MACF1: variants seen among roughly 807,000 people sequenced by gnomAD.
The protein encoded by MACF1 is microtubule-actin cross-linking factor 1.
In MACF1, 193 loss-of-function variants were observed where a neutral mutation model predicts 854.8. The observed-to-expected ratio is 0.23, with a 90% CI of 0.20 to 0.25. The LOEUF is 0.25. MACF1 is among the 10% of genes least tolerant of loss of function. The probability of loss-of-function intolerance (pLI) is 1.00; values close to 1 mark genes in which losing one functional copy is unlikely to be tolerated. For missense variants in MACF1, 7,722 were observed against 8,929.1 expected, an observed-to-expected ratio of 0.86 and a Z score of 5.45; for synonymous variants, 3,185 against 3,226.7, an observed-to-expected ratio of 0.99 and a Z score of 0.44.
intron 2 of MACF1, among the ~76,000 whole-genome samples, chr1:39,151,083 C>T (rs534863609): frequency 5.9e-5 from 9 of 152,274 alleles, no homozygotes; most frequent in Middle Eastern, 3.4e-3. Flanking sequence ...TGAAACCCTT[C>T]ACTCTGGCAA....
intron 2 of MACF1, among the ~76,000 whole-genome samples, chr1:39,147,959 C>A (rs1274933208): frequency 6.6e-6 from 1 of 152,086 alleles, no homozygotes; most frequent in African/African-American, 2.4e-5. Context: ...ATGTTGTTTT[C>A]TATGCCTTGA....
chr1:39,138,122 T>C (rs1032615140), intron 2 of MACF1, among the ~76,000 whole-genome samples: 1 of 150,012 alleles, frequency 6.7e-6, no homozygotes, highest in Non-Finnish European at 1.5e-5. Context: ...GAAGCTTTAA[T>C]TTCTATTTCA....
intron 2 of MACF1, among the ~76,000 whole-genome samples, chr1:39,092,472 A>G (rs367837153): frequency 6.6e-6 from 1 of 152,200 alleles, no homozygotes; most frequent in Non-Finnish European, 1.5e-5. Context: ...ATGTTAAGTA[A>G]CTTGTCTGAG....
chr1:39,453,925 C>T (rs1644385978), intron 88 of MACF1, 75 bp downstream of exon 88: 19 of 1,485,310 alleles, frequency 1.3e-5, no homozygotes, highest in Non-Finnish European at 1.6e-5. Flanking sequence ...TATTTTTCCC[C>T]CAGGTAAGGA....
intron 80 of MACF1, 26 bp from the exon 81 acceptor site, chr1:39,447,406 G>T (rs373058043): frequency 3.1e-6 from 5 of 1,610,916 alleles, no homozygotes; most frequent in Non-Finnish European, 3.4e-6. Flanking sequence ...TTCTTTCTGT[G>T]TGTGTGTGTT....
chr1:39,298,644 TA>T (rs960351700), intron 21 of MACF1: 3 of 432,100 alleles, frequency 6.9e-6, no homozygotes, highest in African/African-American at 6.2e-5. Flanking sequence ...TTTTTATTTT[TA>T]TTTTTTTACA....
chr1:39,415,651 G>A (rs529634486), intron 58 of MACF1, among the ~76,000 whole-genome samples: 7 of 151,762 alleles, frequency 4.6e-5, no homozygotes, highest in Non-Finnish European at 7.4e-5. Context: ...GTGAGCCACC[G>A]CGCCCAGCCG....
chr1:39,285,398 TCTGA>T lies in MACF1; in HGVS notation c.1353+12_1353+15del. ...AAGAATACACTGCAGGCTGTAAGTC[TCTGA>T]CTGTTTTGTCCAACATCTGTGTCAC... On this transcript the variant is annotated intron_variant, in intron 13 of 100. Coordinates refer to ENST00000564288, the MANE Select transcript of MACF1 (RefSeq NM_001394062.1). 13 of 1,613,304 alleles carry T rather than the reference TCTGA, an allele frequency of 8.1e-6. No homozygotes were observed. The highest frequency in any genetic ancestry group is 1.7e-5 in the Admixed American group (1 of 60,030).
At chr1:39,145,011 T>C (rs1643431382) in intron 2 of MACF1, among the ~76,000 whole-genome samples, 1 of 152,206 alleles carries the variant, frequency 6.6e-6, no homozygotes, top group Non-Finnish European at 1.5e-5. Context: ...ATAGGGCTCG[T>C]ACTGGCATTC....
intron 52 of MACF1, chr1:39,373,546 G>A (rs1171543882): frequency 1.3e-5 from 2 of 148,696 alleles, no homozygotes; most frequent in Non-Finnish European, 3.0e-5. Context: ...CCAGGAAGAA[G>A]CAAGGTATTT....
intron 15 of MACF1, among the ~76,000 whole-genome samples, chr1:39,290,089 G>A (rs555739282): frequency 1.3e-5 from 2 of 152,248 alleles, no homozygotes; most frequent in East Asian, 3.9e-4. Flanking sequence ...GCCTATGTTG[G>A]TGTGGTATTA....
At chr1:39,114,354 T>C (rs936703513) in intron 2 of MACF1, among the ~76,000 whole-genome samples, 10 of 152,174 alleles carry the variant, frequency 6.6e-5, no homozygotes, top group African/African-American at 2.2e-4. Flanking sequence ...TGCATTGATA[T>C]GCTCGCCCCT....
chr1:39,299,080 G>C (rs1422909535), intron 21 of MACF1, among the ~76,000 whole-genome samples: 1 of 152,064 alleles, frequency 6.6e-6, no homozygotes, highest in Non-Finnish European at 1.5e-5. Flanking sequence ...TCTGGAGCTT[G>C]AGCTGTTTGG....
chr1:39,180,620 G>A (rs546159593), intron 2 of MACF1, among the ~76,000 whole-genome samples: 1 of 152,198 alleles, frequency 6.6e-6, no homozygotes, highest in East Asian at 1.9e-4. Context: ...CACCTCACAC[G>A]CACACACACA....
intron 6 of MACF1, among the ~76,000 whole-genome samples, chr1:39,280,733 A>G (rs1645527556): frequency 6.6e-6 from 1 of 152,002 alleles, no homozygotes; most frequent in Non-Finnish European, 1.5e-5. Context: ...GCGTGCCACC[A>G]TGCCTGGTTA....
chr1:39,218,837 A>G (rs1026848575), intron 1 of MACF1, among the ~76,000 whole-genome samples: 9 of 152,064 alleles, frequency 5.9e-5, no homozygotes, highest in Admixed American at 2.6e-4. Flanking sequence ...CTGGAGTGCA[A>G]TGGGGCGATC....
chr1:39,419,643 T>A (rs1170841350), intron 58 of MACF1, among the ~76,000 whole-genome samples: 1 of 152,210 alleles, frequency 6.6e-6, no homozygotes, highest in Admixed American at 6.5e-5. Context: ...TCTTTCTTTC[T>A]TTTTTTGAGA....
chr1:39,451,249 G>A, intron 85 of MACF1, 38 bp downstream of exon 85: 6 of 1,596,724 alleles, frequency 3.8e-6, no homozygotes, highest in Non-Finnish European at 5.1e-6. Context: ...AGTGCAGTGG[G>A]TCTTCTGTAT....
chr1:39,340,107 C>T (rs1557597852), intron 38 of MACF1, among the ~76,000 whole-genome samples: 2 of 152,126 alleles, frequency 1.3e-5, no homozygotes, highest in Non-Finnish European at 2.9e-5. Flanking sequence ...TTTTGTAGCA[C>T]ATTAATTCTG....
Sources: allele counts gnomAD v4.1 joint callset (sites outside exome capture counted in the v4.1 genomes callset), GRCh38; gene constraint gnomAD v4.1.1; transcripts MANE v1.5; gene names NCBI Gene and HGNC (gene_info 2026-07-23, HGNC 2026-07-21).